The following REC114 variants were observed in gnomAD, a reference collection of about 807,000 sequenced individuals.
REC114 encodes the protein REC114 meiotic recombination protein, also known as meiotic recombination protein REC114.
Under a neutral mutation model 31.3 loss-of-function variants are expected in REC114, and 27 were observed. The observed-to-expected ratio is 0.86, with a 90% CI of 0.64 to 1.19. The LOEUF (loss-of-function observed/expected upper bound fraction) is 1.19. REC114 is among the 50% of genes most tolerant of loss of function. The pLI, the probability that REC114 is intolerant of heterozygous loss-of-function variation, is 0.00. For missense variants in REC114, 344 were observed against 326.9 expected, an observed-to-expected ratio of 1.05 and a Z score of -0.40; for synonymous variants, 134 against 127.7, an observed-to-expected ratio of 1.05 and a Z score of -0.33.
rs556979110 is a variant in REC114, at chr15:73,499,910, T to C, written c.249+25989T>C. Among the ~76,000 whole-genome samples, 17 of 152,302 alleles carry C rather than the reference T, an allele frequency of 1.1e-4. No individual in the cohort carries two copies. In the East Asian group the frequency reaches 3.3e-3, roughly 29 times the overall value. On this transcript the variant is annotated intron_variant, in intron 2 of 5. Transcript: ENST00000331090. ...TCCATGCTTTAAGACACAATTTAAATTTTAGAAACTTTTAATTATGGATAT... is the reference window on the plus strand; with the variant it reads ...TCCATGCTTTAAGACACAATTTAAACTTTAGAAACTTTTAATTATGGATAT...
In REC114 at chr15:73,506,894, G is replaced by A. The variant is rs571290570; in HGVS notation, c.249+32973G>A. Among the ~76,000 whole-genome samples, 341 of 152,134 alleles carry A rather than the reference G, an allele frequency of 2.2e-3. 3 individuals carry two copies. The highest frequency in any genetic ancestry group is 0.02 in the South Asian group (96 of 4,824). On this transcript the variant is annotated intron_variant, in intron 2 of 5. Coordinates refer to ENST00000331090, the MANE Select transcript of REC114 (RefSeq NM_001042367.2). ...AACATATATTAACTACGTAAAAGTA[G>A]AAAACTTTGGTATATCAAATAAAAT...
At chr15:73,483,492 C>T (rs1191329160) in intron 2 of REC114, 1 of 153,018 alleles carries the variant, frequency 6.5e-6, no homozygotes, top group African/African-American at 2.4e-5. Context: ...GTGCCCATCA[C>T]CAATAGTATT....
At chr15:73,553,324 T>C (rs545501116) in intron 4 of REC114, among the ~76,000 whole-genome samples, 1 of 152,316 alleles carries the variant, frequency 6.6e-6, no homozygotes, top group Non-Finnish European at 1.5e-5. Flanking sequence ...AAACCCTGGA[T>C]CTAGTTTCAA....
chr15:73,507,792 TATAA>T (rs1159830495), intron 2 of REC114, among the ~76,000 whole-genome samples: 2 of 152,120 alleles, frequency 1.3e-5, no homozygotes, highest in Non-Finnish European at 2.9e-5. Context: ...AGCAGCAACT[TATAA>T]ATAAGTAAGC....
chr15:73,500,819 C>A (rs933429899), intron 2 of REC114, among the ~76,000 whole-genome samples: 4 of 151,612 alleles, frequency 2.6e-5, no homozygotes, highest in African/African-American at 9.7e-5. Context: ...TCTCCCACTC[C>A]CTCCTCTGAA....
Position 73,473,905 on chromosome 15 carries a change from A to G in REC114, c.233A>G (p.Gln78Arg), listed in dbSNP as rs371666355. ...ATATCAGGTCATTTCTTCATTTTCC[A>G]AGGACAGACACTACTGGTAGGTTTT... Reference protein sequence around the residue: ...IVISGHFFIFQGQTLLEGFSL... With the variant: ...IVISGHFFIFRGQTLLEGFSL... Residue 78 changes from glutamine (Q) to arginine (R), a missense_variant, in exon 2 of 6, where the codon CAA becomes CGA. Transcript: ENST00000331090. 2.5e-6 allele frequency: 4 copies of G among 1,576,758 alleles called. No homozygotes were observed. Among genetic ancestry groups the G allele is most frequent in the Non-Finnish European group, 3.5e-6 (4 of 1,155,718 alleles).
rs1470839500 is a variant in REC114 at position 73,443,538 on chromosome 15, C to T, written c.159+194C>T. 1.3e-5 allele frequency among the ~76,000 whole-genome samples: 2 copies of T among 152,352 alleles called. 1 individual carries two copies. The highest frequency in any genetic ancestry group is 4.1e-4 in the South Asian group (2 of 4,832). On this transcript the variant is annotated intron_variant, in intron 1 of 5. Coordinates refer to ENST00000331090, the MANE Select transcript of REC114 (RefSeq NM_001042367.2). ...ATAGCAGTAGGAGACATGGTTGGAA[C>T]CCTTTACAGTCTCAAAATAATTATG...
chr15:73,487,953 C>T (rs1893394915), intron 2 of REC114, among the ~76,000 whole-genome samples: 1 of 152,190 alleles, frequency 6.6e-6, no homozygotes, highest in Admixed American at 6.5e-5. Context: ...AGCTTGTGCA[C>T]CCTACACACC....
chr15:73,553,812 T>C (rs1003425964), intron 4 of REC114, among the ~76,000 whole-genome samples: 1 of 152,192 alleles, frequency 6.6e-6, no homozygotes, highest in Admixed American at 6.5e-5. Context: ...TCAGGGACTC[T>C]TCTGAACTGT....
At chr15:73,488,886 C>T (rs1298237182) in intron 2 of REC114, among the ~76,000 whole-genome samples, 2 of 152,208 alleles carry the variant, frequency 1.3e-5, no homozygotes, top group Non-Finnish European at 2.9e-5. Flanking sequence ...TTCAGAGCCA[C>T]TTCCCCATTT....
rs114881461 is a variant in REC114, at chr15:73,486,103, T to C, written c.249+12182T>C. 9.1e-3 allele frequency among the ~76,000 whole-genome samples: 1,383 copies of C among 152,324 alleles called. 22 individuals carry two copies. The highest frequency in any genetic ancestry group is 0.032 in the African/African-American group (1,324 of 41,568). ...GAGGCAATCTTCCACCATACCTTTTTTCCTTTTTTTTTGGAAATGGAATCT... is the reference window on the plus strand; with the variant it reads ...GAGGCAATCTTCCACCATACCTTTTCTCCTTTTTTTTTGGAAATGGAATCT... On this transcript the variant is annotated intron_variant, in intron 2 of 5. Coordinates refer to ENST00000331090, the MANE Select transcript of REC114 (RefSeq NM_001042367.2).
intron 1 of REC114, among the ~76,000 whole-genome samples, chr15:73,457,065 C>CTT (rs934090597): frequency 1.3e-3 from 89 of 67,978 alleles, no homozygotes; most frequent in African/African-American, 1.6e-3. Context: ...TATTTCTGAG[C>CTT]TTTTTTTTTT....
At chr15:73,518,438 A>C (rs1408172247) in intron 2 of REC114, among the ~76,000 whole-genome samples, 1 of 152,244 alleles carries the variant, frequency 6.6e-6, no homozygotes, top group Non-Finnish European at 1.5e-5. Context: ...GATCCTTACA[A>C]TAAATAACCC....
intron 2 of REC114, among the ~76,000 whole-genome samples, chr15:73,528,764 G>A (rs1453609114): frequency 2.6e-5 from 4 of 152,192 alleles, no homozygotes; most frequent in Non-Finnish European, 5.9e-5. Flanking sequence ...GGGCAGAGTT[G>A]AGTAGGTGCA....
intron 1 of REC114, among the ~76,000 whole-genome samples, chr15:73,444,889 A>G (rs1892745106): frequency 6.6e-6 from 1 of 152,270 alleles, no homozygotes; most frequent in African/African-American, 2.4e-5. Flanking sequence ...ATGTTGTGTT[A>G]GCAGGCATGC....
intron 2 of REC114, among the ~76,000 whole-genome samples, chr15:73,495,336 G>GA (rs1387492765): frequency 6.7e-6 from 1 of 150,344 alleles, no homozygotes; most frequent in African/African-American, 2.4e-5. Flanking sequence ...TTGTAGTTTC[G>GA]AAAAAAAAGT....
chr15:73,552,562 T>G (rs1322756698), intron 4 of REC114, among the ~76,000 whole-genome samples: 3 of 152,312 alleles, frequency 2.0e-5, no homozygotes, highest in Middle Eastern at 3.4e-3. Flanking sequence ...GAAGGCCTCA[T>G]AAGGGGTCTT....
chr15:73,521,200 T>G (rs1354397644), intron 2 of REC114, among the ~76,000 whole-genome samples: 1 of 152,130 alleles, frequency 6.6e-6, no homozygotes, highest in Admixed American at 6.5e-5. Context: ...CCCCTCTCAA[T>G]AGCAAATAGA....
chr15:73,499,007 G>T (rs1482681206), intron 2 of REC114, among the ~76,000 whole-genome samples: 6 of 151,886 alleles, frequency 4.0e-5, no homozygotes, highest in Admixed American at 2.6e-4. Flanking sequence ...TTCATTTTTT[G>T]TTGTTGTTGT....
Sources: allele counts gnomAD v4.1 joint callset (sites outside exome capture counted in the v4.1 genomes callset), GRCh38; gene constraint gnomAD v4.1.1; transcripts MANE v1.5; gene names NCBI Gene and HGNC (gene_info 2026-07-23, HGNC 2026-07-21).